CSGALNACT1: variants seen among roughly 807,000 people sequenced by gnomAD.
CSGALNACT1 encodes beta4GalNAcT-1.
In CSGALNACT1, 52 loss-of-function variants were observed where a neutral mutation model predicts 51.0. The observed-to-expected ratio is 1.02, with a 90% CI of 0.82 to 1.29. CSGALNACT1 has a LOEUF of 1.29. Among genes scored for constraint, CSGALNACT1 ranks in the 50% most tolerant of loss-of-function variants. The pLI is 0.00. For missense variants in CSGALNACT1, 935 were observed against 679.2 expected, an observed-to-expected ratio of 1.38 and a Z score of -4.19; for synonymous variants, 341 against 254.4, an observed-to-expected ratio of 1.34 and a Z score of -3.24.
intron 8 of CSGALNACT1, among the ~76,000 whole-genome samples, chr8:19,409,291 C>G (rs2055094505): frequency 6.6e-6 from 1 of 152,192 alleles, no homozygotes; most frequent in Non-Finnish European, 1.5e-5. Context: ...CACTAGAAGT[C>G]CAGCTTCTGA....
intron 1 of CSGALNACT1, among the ~76,000 whole-genome samples, chr8:19,668,813 A>G (rs2059575423): frequency 6.6e-6 from 1 of 152,214 alleles, no homozygotes; most frequent in Non-Finnish European, 1.5e-5. Flanking sequence ...TAGGCCTCAC[A>G]AAGTGCTGGG....
intron 3 of CSGALNACT1, among the ~76,000 whole-genome samples, chr8:19,515,698 G>A (rs769263727): frequency 6.6e-6 from 1 of 152,088 alleles, no homozygotes. Context: ...AAAAGGTCAA[G>A]AAACAGACTC....
In CSGALNACT1 at chr8:19,458,447, C is replaced by T. The variant is rs35454485; in HGVS notation, c.830G>A (p.Arg277Gln). 164 of 1,613,968 alleles carry T rather than the reference C, an allele frequency of 1.0e-4. No homozygotes were observed. The highest frequency in any genetic ancestry group is 1.3e-4 in the Admixed American group (8 of 60,000). Residue 277 changes from arginine (R) to glutamine (Q), a missense_variant, in exon 5 of 10, where the codon CGG (arginine) becomes CAG (glutamine). Physicochemically the swap from Arg to Gln is conservative, Grantham distance 43. Transcript: ENST00000454498. Reference sequence around the variant, plus strand: ...CAACCTGAAATTCTGCATGAACTGCCGGAACTTGTCCACCCTTTTTGCTAG... The same window carrying T: ...CAACCTGAAATTCTGCATGAACTGCTGGAACTTGTCCACCCTTTTTGCTAG...
intron 1 of CSGALNACT1, among the ~76,000 whole-genome samples, chr8:19,692,672 T>C (rs1156235340): frequency 6.6e-6 from 1 of 152,172 alleles, no homozygotes; most frequent in Non-Finnish European, 1.5e-5. Context: ...CAGAACTTTA[T>C]TTTATAATCA....
At chr8:19,645,686 C>G (rs1564338865) in intron 1 of CSGALNACT1, among the ~76,000 whole-genome samples, 1 of 152,204 alleles carries the variant, frequency 6.6e-6, no homozygotes. Flanking sequence ...GTCACTGATG[C>G]TGTGGGCACT....
intron 1 of CSGALNACT1, among the ~76,000 whole-genome samples, chr8:19,728,035 G>A (rs183553965): frequency 9.3e-4 from 141 of 152,292 alleles, no homozygotes; most frequent in African/African-American, 2.6e-3. Context: ...CTGAGAGGCT[G>A]TGTCATGTAA....
chr8:19,677,262 C>T (rs573532625), intron 1 of CSGALNACT1, among the ~76,000 whole-genome samples: 3 of 152,170 alleles, frequency 2.0e-5, no homozygotes, highest in Non-Finnish European at 4.4e-5. Flanking sequence ...GCATGCACCA[C>T]CACGCCTAGC....
At chr8:19,745,397 A>G (rs1036786679) in intron 1 of CSGALNACT1, among the ~76,000 whole-genome samples, 1 of 152,198 alleles carries the variant, frequency 6.6e-6, no homozygotes, top group Non-Finnish European at 1.5e-5. Flanking sequence ...GGTTTTTGAT[A>G]CATGCTCACA....
chr8:19,405,967 C>G, exon 10 of CSGALNACT1: 1 of 1,614,164 alleles, frequency 6.2e-7, no homozygotes, highest in African/African-American at 1.3e-5. Context: ...GTGGAAGAGT[C>G]CTCGCACAGG....
intron 3 of CSGALNACT1, among the ~76,000 whole-genome samples, chr8:19,526,004 T>C (rs1168391289): frequency 1.3e-5 from 2 of 152,186 alleles, no homozygotes; most frequent in East Asian, 3.8e-4. Flanking sequence ...ATGGGGAAAC[T>C]AGCTGAGGAA....
chr8:19,712,463 T>G (rs972901507), intron 1 of CSGALNACT1, among the ~76,000 whole-genome samples: 1 of 152,142 alleles, frequency 6.6e-6, no homozygotes, highest in African/African-American at 2.4e-5. Flanking sequence ...TGGCAGCATT[T>G]TAAACTCATG....
intron 1 of CSGALNACT1, among the ~76,000 whole-genome samples, chr8:19,753,196 A>G (rs1213541534): frequency 2.0e-5 from 3 of 152,148 alleles, no homozygotes; most frequent in Non-Finnish European, 4.4e-5. Context: ...TGCAAATGGG[A>G]TCTCTATAAC....
chr8:19,523,130 C>G (rs184421682), intron 3 of CSGALNACT1, among the ~76,000 whole-genome samples: 7 of 152,198 alleles, frequency 4.6e-5, no homozygotes, highest in East Asian at 1.9e-4. Flanking sequence ...TTCCATCTCA[C>G]GTAACAGTGA....
intron 1 of CSGALNACT1, among the ~76,000 whole-genome samples, chr8:19,724,093 A>G (rs1457688140): frequency 6.6e-6 from 1 of 152,192 alleles, no homozygotes; most frequent in Non-Finnish European, 1.5e-5. Flanking sequence ...CCAATATCCA[A>G]TAAGCTGAGC....
chr8:19,405,471 C>G (rs1236864255), exon 10 of CSGALNACT1: 3 of 537,924 alleles, frequency 5.6e-6, no homozygotes, highest in African/African-American at 1.9e-5. Context: ...AATGAGCACA[C>G]AAAACAACAG....
chr8:19,703,824 A>G (rs2062007785), intron 1 of CSGALNACT1, among the ~76,000 whole-genome samples: 1 of 152,232 alleles, frequency 6.6e-6, no homozygotes, highest in Admixed American at 6.5e-5. Context: ...TTAGTTCTCT[A>G]CAAAGTACGT....
intron 4 of CSGALNACT1, among the ~76,000 whole-genome samples, chr8:19,463,029 T>A (rs2065894879): frequency 6.6e-6 from 1 of 152,218 alleles, no homozygotes; most frequent in South Asian, 2.1e-4. Context: ...ATTGTGCCCA[T>A]GTGTACTCAA....
At chr8:19,709,696 G>A (rs765964482) in intron 1 of CSGALNACT1, among the ~76,000 whole-genome samples, 2 of 152,286 alleles carry the variant, frequency 1.3e-5, no homozygotes, top group Admixed American at 1.3e-4. Context: ...CACCACGAGG[G>A]CATTAGGCAC....
chr8:19,710,932 T>TC (rs1391199922), intron 1 of CSGALNACT1, among the ~76,000 whole-genome samples: 2 of 152,122 alleles, frequency 1.3e-5, no homozygotes, highest in Non-Finnish European at 2.9e-5. Context: ...ATTTTTTTTT[T>TC]CCTCAAAAGT....
Sources: gnomAD v4.1 joint callset for allele counts (sites outside exome capture counted in the v4.1 genomes callset) on GRCh38, gnomAD v4.1.1 for gene constraint, MANE v1.5 for transcripts, NCBI Gene and HGNC (gene_info 2026-07-23, HGNC 2026-07-21) for gene names.